LUZP2: variants seen among roughly 807,000 people sequenced by gnomAD.
LUZP2 encodes leucine zipper protein 2.
Under a neutral mutation model 51.6 loss-of-function variants are expected in LUZP2, and 52 were observed. The observed-to-expected ratio is 1.01, with a 90% CI of 0.81 to 1.27. LUZP2 has a LOEUF of 1.27. Among genes scored for constraint, LUZP2 ranks in the 50% most tolerant of loss-of-function variants. The probability of loss-of-function intolerance (pLI) is 0.00; values close to 1 mark genes in which losing one functional copy is unlikely to be tolerated. For missense variants in LUZP2, 436 were observed against 395.4 expected (o/e 1.10, Z -0.87); for synonymous variants, 154 against 137.3 (o/e 1.12, Z -0.85).
At chr11:24,968,912 T>C (rs1855665731) in intron 7 of LUZP2, among the ~76,000 whole-genome samples, 1 of 152,178 alleles carries the variant, frequency 6.6e-6, no homozygotes, top group Non-Finnish European at 1.5e-5. Flanking sequence ...CCTGGCACAA[T>C]TGGTTCACAG....
chr11:24,574,062 C>G (rs1462415784), intron 1 of LUZP2, among the ~76,000 whole-genome samples: 1 of 151,326 alleles, frequency 6.6e-6, no homozygotes, highest in Non-Finnish European at 1.5e-5. Context: ...CTTTCCTTCT[C>G]TCTTTCGCTT....
At chr11:24,830,236 A>T (rs77854073) in intron 5 of LUZP2, among the ~76,000 whole-genome samples, 2,076 of 148,790 alleles carry the variant, frequency 0.014, 52 homozygotes, top group East Asian at 0.13. Flanking sequence ...CATTTAAAGC[A>T]CTTTGGTTCA....
chr11:24,734,126 G>C lies in LUZP2; in HGVS notation c.251+1938G>C, dbSNP rs80321258. Among the ~76,000 whole-genome samples the C allele has an allele frequency of 3.6e-3, 541 of 151,714 alleles. 6 individuals carry two copies. Among genetic ancestry groups the C allele is most frequent in the African/African-American group, 0.012 (503 of 41,414 alleles). ...AAATTACTCTGTCAAACCCATTCAG[G>C]GTAGAAAGAAAAATGTAGACCAGGG... is the stretch of plus-strand genomic sequence containing the variant. On this transcript the variant is annotated intron_variant, in intron 3 of 11. Coordinates refer to ENST00000336930, the MANE Select transcript of LUZP2 (RefSeq NM_001009909.4).
chr11:25,037,252 T>G (rs1472455754), intron 9 of LUZP2, among the ~76,000 whole-genome samples: 2 of 152,190 alleles, frequency 1.3e-5, no homozygotes, highest in African/African-American at 4.8e-5. Context: ...TAAAGTCTGT[T>G]TTATGTGATA....
chr11:24,692,141 C>T (rs1002377988), intron 1 of LUZP2, among the ~76,000 whole-genome samples: 7 of 151,586 alleles, frequency 4.6e-5, no homozygotes, highest in Non-Finnish European at 1.0e-4. Flanking sequence ...CCCACTTATG[C>T]ATCAGCTTCT....
At chr11:24,964,557 G>A (rs1032426425) in intron 7 of LUZP2, among the ~76,000 whole-genome samples, 1 of 152,040 alleles carries the variant, frequency 6.6e-6, no homozygotes, top group Non-Finnish European at 1.5e-5. Context: ...GATAATATCT[G>A]CCTAAGTAAG....
chr11:24,882,172 A>G (rs565967670), intron 5 of LUZP2, among the ~76,000 whole-genome samples: 17 of 152,148 alleles, frequency 1.1e-4, no homozygotes, highest in Admixed American at 1.0e-3. Context: ...ATGAATACAT[A>G]TCTTACATGA....
At chr11:24,850,393 T>C (rs1405953339) in intron 5 of LUZP2, among the ~76,000 whole-genome samples, 2 of 152,228 alleles carry the variant, frequency 1.3e-5, no homozygotes, top group African/African-American at 4.8e-5. Flanking sequence ...CCATTCCCCA[T>C]TGCTTGTTTT....
At chr11:25,048,515 T>C (rs1302315333) in intron 9 of LUZP2, among the ~76,000 whole-genome samples, 1 of 152,212 alleles carries the variant, frequency 6.6e-6, no homozygotes, top group Non-Finnish European at 1.5e-5. Context: ...GTCATCTTTG[T>C]ATTTACCAAA....
At chr11:24,886,392 A>T (rs1266710266) in intron 5 of LUZP2, among the ~76,000 whole-genome samples, 2 of 152,156 alleles carry the variant, frequency 1.3e-5, no homozygotes, top group Non-Finnish European at 2.9e-5. Context: ...TCTATAAATA[A>T]TTGAAGCTCC....
rs771638773 is a variant in LUZP2, at chr11:24,497,289, C to T, written c.46C>T (p.Leu16=). Residue 16 remains leucine, a synonymous_variant, in exon 1 of 12, where the codon CTG becomes TTG. Coordinates refer to ENST00000336930, the MANE Select transcript of LUZP2 (RefSeq NM_001009909.4). ...AHYLLPLLPA[L]VLSTRQDYEE... ...CTACCTGCTGCCTCTCCTGCCTGCG[C>T]TGGTCCTCAGCACCAGGTGAGTCCA... 3.2e-6 allele frequency: 5 copies of T among 1,567,074 alleles called. No individual in the cohort carries two copies. In the South Asian group the frequency reaches 4.6e-5, roughly 15 times the overall value.
chr11:24,796,892 G>A (rs1174635423), intron 5 of LUZP2, among the ~76,000 whole-genome samples: 1 of 152,062 alleles, frequency 6.6e-6, no homozygotes, highest in African/African-American at 2.4e-5. Flanking sequence ...GCATATGCAT[G>A]TTTTATTTTG....
chr11:25,081,873 T>C lies in LUZP2; in HGVS notation c.*3215T>C, dbSNP rs1158758810. 3 of 152,194 alleles carry C rather than the reference T, an allele frequency of 2.0e-5. No homozygotes were observed. Among genetic ancestry groups the C allele is most frequent in the South Asian group, 4.1e-4 (2 of 4,838 alleles). 9.4% of individuals were successfully genotyped at this position (152,194 alleles called of 1,614,324 possible). ...TTTCCAATGGAGTAACTTGTTTTAA[T>C]AGAGGTACAACCAGAACCAACAATT... On this transcript the variant is annotated 3_prime_UTR_variant, in exon 12 of 12. Transcript: ENST00000336930.
chr11:24,500,578 G>T (rs1039438833), intron 1 of LUZP2, among the ~76,000 whole-genome samples: 1 of 152,148 alleles, frequency 6.6e-6, no homozygotes, highest in Admixed American at 6.6e-5. Flanking sequence ...TTGGTGAAAA[G>T]GGACCCATGG....
rs999254934 is a variant in LUZP2, at chr11:25,078,467, C to T, written c.937-87C>T. 2.0e-5 allele frequency: 19 copies of T among 967,040 alleles called. No homozygotes were observed. The East Asian group carries it at 3.6e-4, about 18-fold the overall frequency. The allele number at this position is 967,040 out of a possible 1,614,324, so 59.9% of individuals were successfully genotyped here. On this transcript the variant is annotated intron_variant, in intron 11 of 11. Coordinates refer to ENST00000336930, the MANE Select transcript of LUZP2 (RefSeq NM_001009909.4). ...ATATTTGTTGAGATCTTTGAATTTCCATTCTTATTCTTTTAGACTTTTCAA... is the reference window on the plus strand; with the variant it reads ...ATATTTGTTGAGATCTTTGAATTTCTATTCTTATTCTTTTAGACTTTTCAA...
intron 1 of LUZP2, among the ~76,000 whole-genome samples, chr11:24,608,963 C>T (rs1854027608): frequency 1.3e-5 from 2 of 151,778 alleles, no homozygotes; most frequent in African/African-American, 4.8e-5. Context: ...TAGATGGAGG[C>T]CTTTCACAGG....
rs115181594 is a variant in LUZP2, at chr11:24,968,413, G to A, written c.523-8178G>A. 1.7e-3 allele frequency among the ~76,000 whole-genome samples: 261 copies of A among 152,244 alleles called. 2 individuals carry two copies. The highest frequency in any genetic ancestry group is 6.1e-3 in the African/African-American group (253 of 41,544). ...GTAAGCAAGATTTTGACTGTGGGCT[G>A]TAGTTTGCCAACAACTCTTTAGTGC... is the stretch of plus-strand genomic sequence containing the variant. On this transcript the variant is annotated intron_variant, in intron 7 of 11. Coordinates refer to ENST00000336930, the MANE Select transcript of LUZP2 (RefSeq NM_001009909.4).
chr11:24,641,488 T>C (rs1381184802), intron 1 of LUZP2, among the ~76,000 whole-genome samples: 1 of 151,830 alleles, frequency 6.6e-6, no homozygotes, highest in Non-Finnish European at 1.5e-5. Context: ...GTATCTGAGA[T>C]TTTTAAAATA....
At chr11:25,010,029 G>A (rs1856938006) in intron 9 of LUZP2, among the ~76,000 whole-genome samples, 2 of 152,068 alleles carry the variant, frequency 1.3e-5, no homozygotes, top group Admixed American at 1.3e-4. Flanking sequence ...GATTTTTAAA[G>A]TACATTAGTT....
Sources: allele counts gnomAD v4.1 joint callset (sites outside exome capture counted in the v4.1 genomes callset), GRCh38; gene constraint gnomAD v4.1.1; transcripts MANE v1.5; gene names NCBI Gene and HGNC (gene_info 2026-07-23, HGNC 2026-07-21).